The following SUMF1 variants were observed in gnomAD, a reference collection of about 807,000 sequenced individuals.
SUMF1 encodes sulfatase modifying factor 1.
SUMF1 carries 48 observed loss-of-function variants against 47.6 expected under a neutral mutation model. The observed-to-expected ratio is 1.01, with a 90% CI of 0.80 to 1.28. The LOEUF (loss-of-function observed/expected upper bound fraction) is 1.28, where lower values mean the gene tolerates loss of function less well. Among genes scored for constraint, SUMF1 ranks in the 50% most tolerant of loss-of-function variants. SUMF1 has a pLI of 0.00. For missense variants in SUMF1, 571 were observed against 485.4 expected (o/e 1.18, Z -1.66); for synonymous variants, 230 against 192.1 (o/e 1.20, Z -1.63).
rs1213784165 is a variant in SUMF1 at position 4,039,208 on chromosome 3, A to ATT, written c.1191+29360_1191+29361insAA. 1.2e-3 allele frequency among the ~76,000 whole-genome samples: 55 copies of ATT among 46,166 alleles called. 4 individuals carry two copies. The highest frequency in any genetic ancestry group is 3.2e-3 in the South Asian group (3 of 948). 30.3% of individuals were successfully genotyped at this position (46,166 alleles called of 152,430 possible). ...CAAGCATGCCTGAAACATCTATGCA[A>ATT]ATTTTTTTTTTTTTTTTTTTTTTTT... is the stretch of plus-strand genomic sequence containing the variant. On this transcript the variant is annotated intron_variant and NMD_transcript_variant, in intron 9 of 12. Transcript: ENST00000448413.
At chr3:4,447,947 C>T (rs1702838488) in intron 3 of SUMF1, among the ~76,000 whole-genome samples, 1 of 152,076 alleles carries the variant, frequency 6.6e-6, no homozygotes. Context: ...CGCAAACGCC[C>T]ACCCTCACCT....
chr3:4,358,843 C>T (rs557305153), downstream of SUMF1, among the ~76,000 whole-genome samples: 6 of 152,242 alleles, frequency 3.9e-5, no homozygotes, highest in South Asian at 1.2e-3. Flanking sequence ...AAGCATATGT[C>T]CTGAAGGTCT....
At chr3:4,429,674 T>C (rs1044296816) in intron 3 of SUMF1, among the ~76,000 whole-genome samples, 8 of 152,202 alleles carry the variant, frequency 5.3e-5, no homozygotes, top group Admixed American at 2.6e-4. Flanking sequence ...TTCCTACTTA[T>C]ATTAACAGTA....
chr3:4,138,208 G>A (rs558641035), intron 8 of SUMF1, among the ~76,000 whole-genome samples: 20 of 152,146 alleles, frequency 1.3e-4, no homozygotes, highest in African/African-American at 4.6e-4. Flanking sequence ...TTGTTAAGAC[G>A]ACAACACTAC....
intron 8 of SUMF1, among the ~76,000 whole-genome samples, chr3:4,145,294 G>C (rs1384804744): frequency 6.6e-6 from 1 of 151,370 alleles, no homozygotes; most frequent in Non-Finnish European, 1.5e-5. Context: ...ATCTAGCAGA[G>C]TGCTTGAAAT....
chr3:4,264,101 G>A (rs774686675), intron 8 of SUMF1, among the ~76,000 whole-genome samples: 22 of 152,278 alleles, frequency 1.4e-4, no homozygotes, highest in Admixed American at 3.3e-4. Flanking sequence ...AGTAAGAAAA[G>A]AAGGTCTAAG....
rs1693360553 is a variant in SUMF1 at position 4,113,671 on chromosome 3, A to G, written c.1015-44926T>C. 2.0e-5 allele frequency among the ~76,000 whole-genome samples: 3 copies of G among 152,110 alleles called. No homozygotes were observed. In the South Asian group the frequency reaches 6.2e-4, roughly 32 times the overall value. The stretch of plus-strand genomic sequence containing the variant: ...GAGGTGGTCAATACTAAGAGAAAAT[A>G]CTAAAGGTTTTTTTGGAAGATATGC... On this transcript the variant is annotated intron_variant and NMD_transcript_variant, in intron 8 of 12. Transcript: ENST00000448413.
At chr3:4,459,253 A>C (rs768578784) in intron 1 of SUMF1, among the ~76,000 whole-genome samples, 1 of 152,204 alleles carries the variant, frequency 6.6e-6, no homozygotes, top group Non-Finnish European at 1.5e-5. Flanking sequence ...AGCTTGATTT[A>C]CTCATTCCAC....
chr3:4,056,495 G>C (rs1014357700), intron 9 of SUMF1, among the ~76,000 whole-genome samples: 1 of 152,040 alleles, frequency 6.6e-6, no homozygotes, highest in Admixed American at 6.6e-5. Context: ...GCCGCATAGT[G>C]AGACTTCATC....
At chr3:4,425,572 G>C (rs1575207535) in intron 3 of SUMF1, among the ~76,000 whole-genome samples, 1 of 152,040 alleles carries the variant, frequency 6.6e-6, no homozygotes, top group Admixed American at 6.6e-5. Context: ...AGAGCTAAGG[G>C]GTGAAGGAAG....
intron 8 of SUMF1, among the ~76,000 whole-genome samples, chr3:4,230,612 T>G (rs544084861): frequency 6.6e-6 from 1 of 152,084 alleles, no homozygotes; most frequent in South Asian, 2.1e-4. Flanking sequence ...AACTGGAAGT[T>G]CTCCAGAGGA....
intron 8 of SUMF1, among the ~76,000 whole-genome samples, chr3:4,276,686 C>T (rs1298013981): frequency 1.3e-5 from 2 of 152,116 alleles, no homozygotes; most frequent in African/African-American, 2.4e-5. Context: ...TTCTATGGTT[C>T]TTGGGAACAA....
rs1200058381 is a variant in SUMF1 at position 4,078,266 on chromosome 3, G to A, written c.1015-9521C>T. Among the ~76,000 whole-genome samples the A allele has an allele frequency of 2.6e-5, 4 of 152,186 alleles. No homozygotes were observed. In the East Asian group the frequency reaches 7.7e-4, roughly 29 times the overall value. On this transcript the variant is annotated intron_variant and NMD_transcript_variant, in intron 8 of 12. Transcript: ENST00000448413. ...AGATGGAAATGGGGCTGGCTTTCCA[G>A]ACAATGAAAATACTGGCTGGTGTGT...
At chr3:4,166,652 G>A (rs776196064) in intron 8 of SUMF1, among the ~76,000 whole-genome samples, 12 of 152,126 alleles carry the variant, frequency 7.9e-5, no homozygotes, top group South Asian at 2.1e-4. Context: ...TGTCTGACAG[G>A]CATTAGGACC....
intron 8 of SUMF1, among the ~76,000 whole-genome samples, chr3:4,356,055 C>T (rs928596745): frequency 2.0e-5 from 3 of 152,190 alleles, no homozygotes; most frequent in African/African-American, 4.8e-5. Context: ...TAAACTCTTG[C>T]TCTAATGGTC....
chr3:4,359,845 T>A (rs1408494983), downstream of SUMF1, among the ~76,000 whole-genome samples: 2 of 152,188 alleles, frequency 1.3e-5, no homozygotes, highest in African/African-American at 4.8e-5. Context: ...ACCATCTCAG[T>A]TGCCCAGGCT....
At chr3:4,376,253 G>A in intron 8 of SUMF1, 77 bp downstream of exon 8, 1 of 1,522,926 alleles carries the variant, frequency 6.6e-7, no homozygotes, top group Non-Finnish European at 9.1e-7. Flanking sequence ...TGAGACATTT[G>A]GGGCTATCAT....
chr3:4,063,472 T>TTA (rs969765555), intron 9 of SUMF1, among the ~76,000 whole-genome samples: 4 of 152,038 alleles, frequency 2.6e-5, no homozygotes, highest in Admixed American at 6.6e-5. Flanking sequence ...GGGATGTATG[T>TTA]TATATATATA....
chr3:4,099,452 A>G (rs890921730), intron 8 of SUMF1, among the ~76,000 whole-genome samples: 4 of 152,142 alleles, frequency 2.6e-5, no homozygotes, highest in Non-Finnish European at 5.9e-5. Context: ...ATATAGAAGA[A>G]ATGTTCCTCA....
Sources: gnomAD v4.1 joint callset for allele counts (sites outside exome capture counted in the v4.1 genomes callset) on GRCh38, gnomAD v4.1.1 for gene constraint, MANE v1.5 for transcripts, NCBI Gene and HGNC (gene_info 2026-07-23, HGNC 2026-07-21) for gene names.